Variants in GRIP1 observed in about 807,000 individuals in gnomAD.
GRIP1 encodes glutamate receptor-interacting protein 1.
GRIP1 carries 45 observed loss-of-function variants against 129.9 expected under a neutral mutation model. The observed-to-expected ratio is 0.35, with a 90% CI of 0.27 to 0.44. The LOEUF (loss-of-function observed/expected upper bound fraction) is 0.44. Among genes scored for constraint, GRIP1 ranks in the 20% least tolerant of loss-of-function variants. The pLI, the probability that GRIP1 is intolerant of heterozygous loss-of-function variation, is 1.00. For synonymous variants in GRIP1, 530 were observed against 520.8 expected, an observed-to-expected ratio of 1.02 and a Z score of -0.24; for missense variants, 1,196 against 1,396.8, an observed-to-expected ratio of 0.86 and a Z score of 2.29.
At chr12:66,949,238 T>TA (rs967162935) in intron 1 of GRIP1, among the ~76,000 whole-genome samples, 1 of 151,998 alleles carries the variant, frequency 6.6e-6, no homozygotes, top group African/African-American at 2.4e-5. Context: ...TATTCACTAT[T>TA]AAAAAAAAGA....
chr12:66,446,631 C>T (rs2058638706), intron 11 of GRIP1, among the ~76,000 whole-genome samples: 1 of 152,072 alleles, frequency 6.6e-6, no homozygotes, highest in African/African-American at 2.4e-5. Flanking sequence ...TTTCAAAATT[C>T]TCCCCCTTTT....
At chr12:66,498,208 T>G (rs965935455) in intron 7 of GRIP1, among the ~76,000 whole-genome samples, 3 of 152,190 alleles carry the variant, frequency 2.0e-5, no homozygotes, top group Non-Finnish European at 2.9e-5. Flanking sequence ...TGGTGGTCTC[T>G]TCACACAGAC....
intron 1 of GRIP1, among the ~76,000 whole-genome samples, chr12:66,710,171 G>A (rs2035668616): frequency 6.6e-6 from 1 of 151,864 alleles, no homozygotes; most frequent in African/African-American, 2.4e-5. Flanking sequence ...TAAGAAGTGA[G>A]GATTTATGTT....
At position 66,456,296 on chromosome 12, in the gene GRIP1, G is replaced by A; in HGVS notation, c.1089C>T (p.Ala363=). ...SDRQLTWDSW[A]SNHSSLHTNH... ...TGGTGTGAAGGCTGCTGTGGTTGCTGGCCCAGGAATCCCAGGTAAGTTGCC... is the reference window on the plus strand; with the variant it reads ...TGGTGTGAAGGCTGCTGTGGTTGCTAGCCCAGGAATCCCAGGTAAGTTGCC... The change falls in exon 10 of 25, where the codon GCC becomes GCT. Residue 363 remains alanine (A), a synonymous_variant. Transcript: ENST00000359742. 7.8e-7 allele frequency: 1 copy of A among 1,289,332 alleles called. No individual in the cohort carries two copies. Among genetic ancestry groups the A allele is most frequent in the Non-Finnish European group, 1.0e-6 (1 of 988,280 alleles). The allele number at this position is 1,289,332 out of a possible 1,614,324, so 79.9% of individuals were successfully genotyped here.
rs548540377 is a variant in GRIP1 at position 66,834,146 on chromosome 12, C to T, written c.58+234904G>A. 4.3e-5 allele frequency among the ~76,000 whole-genome samples: 6 copies of T among 139,044 alleles called. No homozygotes were observed. In the South Asian group the frequency reaches 1.1e-3, roughly 26 times the overall value. 91.2% of individuals were successfully genotyped at this position (139,044 alleles called of 152,430 possible). A position where few individuals can be genotyped will look rare whatever the true frequency, so the allele number is the denominator to read the frequency against. On this transcript the variant is annotated intron_variant, in intron 1 of 1. Transcript: ENST00000643019. ...TGAGCCCAGATCGTGCCACTGCACT[C>T]CAGCCTGTGCAACACAGCGAGACTT... is the stretch of plus-strand genomic sequence containing the variant.
chr12:66,402,823 T>G (rs1384165492), intron 16 of GRIP1, among the ~76,000 whole-genome samples: 1 of 152,230 alleles, frequency 6.6e-6, no homozygotes, highest in Non-Finnish European at 1.5e-5. Context: ...TATCAAACTT[T>G]CAAAATCAGT....
upstream of GRIP1, among the ~76,000 whole-genome samples, chr12:66,806,108 T>G (rs1455823337): frequency 6.6e-6 from 1 of 151,840 alleles, no homozygotes; most frequent in African/African-American, 2.4e-5. Flanking sequence ...TCACTAAATA[T>G]ATGACAATAA....
intron 1 of GRIP1, among the ~76,000 whole-genome samples, chr12:66,929,780 C>T (rs180704815): frequency 4.6e-5 from 7 of 152,288 alleles, no homozygotes; most frequent in South Asian, 4.2e-4. Context: ...ATTTGCATTC[C>T]TACATCCTGA....
intron 1 of GRIP1, among the ~76,000 whole-genome samples, chr12:66,851,488 C>A (rs1376264666): frequency 6.6e-6 from 1 of 152,042 alleles, no homozygotes. Context: ...AACAGCTAAC[C>A]AAATCTTCAT....
rs571769154 is a variant in GRIP1 at position 66,371,200 on chromosome 12, C to T, written c.3012+494G>A. The stretch of plus-strand genomic sequence containing the variant: ...TTGGGACAGAGTGTTGCTCTGTCAC[C>T]GAGGCTGCAGTGCAGTGGCACAATC... On this transcript the variant is annotated intron_variant, in intron 23 of 24. Transcript: ENST00000359742. Among the ~76,000 whole-genome samples, 94 of 149,384 alleles carry T rather than the reference C, an allele frequency of 6.3e-4. 1 individual carries two copies. Among genetic ancestry groups the T allele is most frequent in the African/African-American group, 2.1e-3 (86 of 40,348 alleles).
At chr12:66,660,069 G>C (rs1411672549) in intron 1 of GRIP1, among the ~76,000 whole-genome samples, 2 of 152,114 alleles carry the variant, frequency 1.3e-5, no homozygotes, top group Admixed American at 1.3e-4. Context: ...TGTTTTCTAT[G>C]ATTCTCATGT....
chr12:66,371,635 A>C, intron 23 of GRIP1, 59 bp downstream of exon 23: 1 of 1,061,276 alleles, frequency 9.4e-7, no homozygotes. Flanking sequence ...CTCGGCGTAC[A>C]TGCTATGCAG....
chr12:66,752,622 A>G (rs1322391494), intron 1 of GRIP1, among the ~76,000 whole-genome samples: 1 of 152,196 alleles, frequency 6.6e-6, no homozygotes, highest in Non-Finnish European at 1.5e-5. Flanking sequence ...GTTGCTGGTC[A>G]GTATGAACTG....
intron 1 of GRIP1, among the ~76,000 whole-genome samples, chr12:66,713,946 A>C (rs746659242): frequency 3.9e-5 from 6 of 152,036 alleles, no homozygotes; most frequent in Non-Finnish European, 8.8e-5. Context: ...GAATTTCTTT[A>C]GAGATAGGCA....
At chr12:66,558,386 C>T (rs1450803686) in intron 2 of GRIP1, among the ~76,000 whole-genome samples, 1 of 152,134 alleles carries the variant, frequency 6.6e-6, no homozygotes, top group Non-Finnish European at 1.5e-5. Context: ...GACTTACTCA[C>T]TACCACAAGA....
At chr12:66,384,949 A>G (rs2056288018) in intron 19 of GRIP1, among the ~76,000 whole-genome samples, 3 of 152,222 alleles carry the variant, frequency 2.0e-5, no homozygotes. Flanking sequence ...TCTGAGGAAA[A>G]TTATGTTTAG....
At position 66,539,318 on chromosome 12, in the gene GRIP1, G is replaced by A. The variant is rs149861139; in HGVS notation, c.273-95C>T. On this transcript the variant is annotated intron_variant, in intron 3 of 24. Transcript: ENST00000359742. ...TTCCCTTCATGGTAAGCATGCAAGTGTAGAAGCAAGCCTAGAAGGCTGACA... is the reference window on the plus strand; with the variant it reads ...TTCCCTTCATGGTAAGCATGCAAGTATAGAAGCAAGCCTAGAAGGCTGACA... The A allele has an allele frequency of 1.1e-3, 1,643 of 1,522,696 alleles. 15 individuals are homozygous for A. In the African/African-American group the frequency reaches 0.02, roughly 19 times the overall value. The allele number at this position is 1,522,696 out of a possible 1,614,324, so 94.3% of individuals were successfully genotyped here. A position where few individuals can be genotyped will look rare whatever the true frequency, so the allele number is the denominator to read the frequency against.
intron 1 of GRIP1, among the ~76,000 whole-genome samples, chr12:66,608,407 A>G (rs185016191): frequency 1.6e-4 from 24 of 152,260 alleles, no homozygotes; most frequent in Admixed American, 1.5e-3. Flanking sequence ...ATCTTGACTC[A>G]CTGCAACCTC....
At chr12:66,755,383 C>T (rs1161576629) in intron 1 of GRIP1, among the ~76,000 whole-genome samples, 1 of 152,172 alleles carries the variant, frequency 6.6e-6, no homozygotes, top group Non-Finnish European at 1.5e-5. Context: ...TGCTCTACAT[C>T]CAGCCAGGTG....
Sources: gnomAD v4.1 joint callset for allele counts (sites outside exome capture counted in the v4.1 genomes callset) on GRCh38, gnomAD v4.1.1 for gene constraint, MANE v1.5 for transcripts, NCBI Gene and HGNC (gene_info 2026-07-23, HGNC 2026-07-21) for gene names.